Variants in ZNF705B observed in about 807,000 individuals in gnomAD.
The protein encoded by ZNF705B is Putative zinc finger protein 705D-like protein LOC100132396.
In ZNF705B, 1 loss-of-function variant was observed where a neutral mutation model predicts 10.5. The ratio of observed to expected loss-of-function variants is 0.10; its 90% CI spans 0.03 to 0.45. The LOEUF is 0.45. Ranked by LOEUF, ZNF705B falls within the 20% of genes least tolerant of loss-of-function variation. ZNF705B has a pLI of 0.97. For missense variants in ZNF705B, 14 were observed against 84.0 expected, an observed-to-expected ratio of 0.17 and a Z score of 3.26; for synonymous variants, 4 against 25.4, an observed-to-expected ratio of 0.16 and a Z score of 2.53.
chr8:7,941,005 C>A (rs1820141889), intron 2 of ZNF705B, among the ~76,000 whole-genome samples: 1 of 149,126 alleles, frequency 6.7e-6, no homozygotes, highest in Non-Finnish European at 1.5e-5. Context: ...CATGTTCCTG[C>A]AAAGAACATG....
At chr8:7,933,929 CTTTTTTTTTTTTTT>C (rs1162997944) in intron 2 of ZNF705B, among the ~76,000 whole-genome samples, 2 of 29,366 alleles carry the variant, frequency 6.8e-5, no homozygotes, top group African/African-American at 1.6e-4. Context: ...GTAATATAAA[CTTTTTTTTTTTTTT>C]TTTTTTTTTT....
chr8:7,933,094 A>T (rs1454391122), intron 2 of ZNF705B, among the ~76,000 whole-genome samples: 1 of 117,140 alleles, frequency 8.5e-6, no homozygotes, highest in Non-Finnish European at 2.0e-5. Context: ...ACCTTAAAAT[A>T]GGGAGATTAT....
chr8:7,937,061 C>T lies in ZNF705B; in HGVS notation c.-72+6625C>T, dbSNP rs1437383892. ...CTTTTCCGGCCATTTGCTTTAGGAA[C>T]AAAAGATAGAGTTACAATGAACATA... is the stretch of plus-strand genomic sequence containing the variant. On this transcript the variant is annotated intron_variant, in intron 2 of 6. Coordinates refer to ENST00000400120, the MANE Select transcript of ZNF705B (RefSeq NM_001193630.1). 2.6e-5 allele frequency among the ~76,000 whole-genome samples: 3 copies of T among 116,586 alleles called. 1 individual carries two copies. Among genetic ancestry groups the T allele is most frequent in the Non-Finnish European group, 4.1e-5 (2 of 49,220 alleles). The allele number at this position is 116,586 out of a possible 152,430, so 76.5% of individuals were successfully genotyped here. A position where few individuals can be genotyped will look rare whatever the true frequency, so the allele number is the denominator to read the frequency against.
intron 1 of ZNF705B, among the ~76,000 whole-genome samples, chr8:7,928,255 A>G (rs1584994565): frequency 8.6e-6 from 1 of 116,394 alleles, no homozygotes; most frequent in African/African-American, 2.6e-5. Context: ...GCACCTTGTA[A>G]TATCGTCACC....
intron 2 of ZNF705B, among the ~76,000 whole-genome samples, chr8:7,937,551 G>T (rs1489514376): frequency 8.5e-6 from 1 of 117,776 alleles, no homozygotes; most frequent in African/African-American, 2.6e-5. Context: ...TGATTTTCTG[G>T]GGTTATATAT....
intron 2 of ZNF705B, among the ~76,000 whole-genome samples, chr8:7,941,177 T>G (rs1820152568): frequency 6.8e-6 from 1 of 146,018 alleles, no homozygotes; most frequent in African/African-American, 2.5e-5. Flanking sequence ...TATAATAGAA[T>G]GATTTATATT....
intron 2 of ZNF705B, among the ~76,000 whole-genome samples, chr8:7,938,090 T>A (rs1443743686): frequency 3.2e-5 from 4 of 125,532 alleles, no homozygotes; most frequent in Non-Finnish European, 7.2e-5. Context: ...CTGTGATTAA[T>A]GTTCGCATGC....
At chr8:7,933,482 T>G (rs1174763146) in intron 2 of ZNF705B, among the ~76,000 whole-genome samples, 1 of 30,346 alleles carries the variant, frequency 3.3e-5, no homozygotes, top group Non-Finnish European at 1.0e-4. Flanking sequence ...TGGAAGAAAA[T>G]GCTGAATGAT....
chr8:7,926,514 C>T (rs1819690601), intron 1 of ZNF705B, 117 bp downstream of exon 1: 1 of 114,886 alleles, frequency 8.7e-6, no homozygotes, highest in South Asian at 3.1e-4. Context: ...TCAGCCTCCA[C>T]TTTACTTTCT....
At chr8:7,928,220 C>T (rs189355724) in intron 1 of ZNF705B, among the ~76,000 whole-genome samples, 1,264 of 112,806 alleles carry the variant, frequency 0.011, 97 homozygotes, top group South Asian at 0.049. Flanking sequence ...TTCAGCTCCA[C>T]GACTTAATCA....
intron 1 of ZNF705B, 138 bp from the exon 2 acceptor site, chr8:7,930,149 T>C (rs1178195148): frequency 8.5e-6 from 1 of 116,962 alleles, no homozygotes; most frequent in African/African-American, 2.6e-5. Flanking sequence ...CACCCTCTAG[T>C]AGTTCACAGT....
At chr8:7,932,102 C>T (rs1463029023) in intron 2 of ZNF705B, among the ~76,000 whole-genome samples, 1 of 120,784 alleles carries the variant, frequency 8.3e-6, no homozygotes, top group Non-Finnish European at 2.0e-5. Context: ...CAATGACCAT[C>T]ACATAGACTC....
At chr8:7,932,704 G>A (rs61246233) in intron 2 of ZNF705B, among the ~76,000 whole-genome samples, 2,483 of 118,760 alleles carry the variant, frequency 0.021, 91 homozygotes, top group African/African-American at 0.06. Context: ...TTGAGATTTC[G>A]AGTAGTCCAT....
At chr8:7,932,005 G>C (rs1375054428) in intron 2 of ZNF705B, among the ~76,000 whole-genome samples, 1 of 120,602 alleles carries the variant, frequency 8.3e-6, no homozygotes, top group African/African-American at 2.5e-5. Context: ...GTCTTTTGGG[G>C]GCTGGGCTCT....
intron 1 of ZNF705B, among the ~76,000 whole-genome samples, chr8:7,928,379 T>C (rs2698879): frequency 0.087 from 10,357 of 118,888 alleles, 1,177 homozygotes; most frequent in African/African-American, 0.19. Flanking sequence ...CATTCATGTA[T>C]TGATTCTTTC....
chr8:7,933,976 TGTC>T (rs1393396277), intron 2 of ZNF705B, among the ~76,000 whole-genome samples: 4 of 127,162 alleles, frequency 3.1e-5, no homozygotes, highest in Non-Finnish European at 6.8e-5. Flanking sequence ...TGTCTTACTC[TGTC>T]ACCCAGGCTG....
At chr8:7,940,606 A>G (rs1820123618) in intron 2 of ZNF705B, among the ~76,000 whole-genome samples, 1 of 133,714 alleles carries the variant, frequency 7.5e-6, no homozygotes, top group African/African-American at 2.6e-5. Flanking sequence ...CCCCAGCACC[A>G]GGGCCCCTGG....
intron 1 of ZNF705B, among the ~76,000 whole-genome samples, chr8:7,927,015 C>T (rs1462396503): frequency 5.0e-5 from 6 of 119,296 alleles, no homozygotes; most frequent in African/African-American, 1.5e-4. Flanking sequence ...GTTATGTCAA[C>T]TAAGATACCA....
chr8:7,949,583 T>A (rs1313343347), intron 4 of ZNF705B, among the ~76,000 whole-genome samples: 1 of 101,942 alleles, frequency 9.8e-6, no homozygotes, highest in African/African-American at 2.9e-5. Context: ...TAAATAACTC[T>A]TCTGCTTTAG....
Sources: gnomAD v4.1 joint callset for allele counts (sites outside exome capture counted in the v4.1 genomes callset) on GRCh38, gnomAD v4.1.1 for gene constraint, MANE v1.5 for transcripts, NCBI Gene and HGNC (gene_info 2026-07-23, HGNC 2026-07-21) for gene names.